FSTL5: variants seen among roughly 807,000 people sequenced by gnomAD.
FSTL5 encodes follistatin-related protein 5.
A neutral mutation model predicts 89.1 loss-of-function variants in FSTL5; 62 were observed. The observed-to-expected ratio is 0.70, with a 90% CI of 0.57 to 0.86. The LOEUF (loss-of-function observed/expected upper bound fraction) is 0.86. Among genes scored for constraint, FSTL5 ranks in the 40% least tolerant of loss-of-function variants. The probability of loss-of-function intolerance (pLI) is 0.00; values close to 1 mark genes in which losing one functional copy is unlikely to be tolerated. For missense variants in FSTL5, 1,057 were observed against 1,001.6 expected (o/e 1.06, Z -0.75); for synonymous variants, 383 against 346.2 (o/e 1.11, Z -1.18).
In FSTL5 at chr4:161,470,168, T is replaced by C. The variant is rs147444722; in HGVS notation, c.1609-10849A>G. ...TGCCTTTGTTGTCACATCTTAGATATCCTTGCCAAATCCAATAGCATAAAT... is the reference window on the plus strand; with the variant it reads ...TGCCTTTGTTGTCACATCTTAGATACCCTTGCCAAATCCAATAGCATAAAT... On this transcript the variant is annotated intron_variant, in intron 13 of 15. Coordinates refer to ENST00000306100, the MANE Select transcript of FSTL5 (RefSeq NM_020116.5). Among the ~76,000 whole-genome samples, 5 of 152,330 alleles carry C rather than the reference T, an allele frequency of 3.3e-5. No individual in the cohort carries two copies. The East Asian group carries it at 9.6e-4, about 29-fold the overall frequency.
At chr4:162,162,454 C>A (rs1733733420) in intron 1 of FSTL5, among the ~76,000 whole-genome samples, 1 of 151,974 alleles carries the variant, frequency 6.6e-6, no homozygotes, top group South Asian at 2.1e-4. Flanking sequence ...ATATCCCCCA[C>A]CCCCGTCCTT....
chr4:162,021,829 A>C (rs1737096158), intron 3 of FSTL5, among the ~76,000 whole-genome samples: 1 of 150,680 alleles, frequency 6.6e-6, no homozygotes, highest in Admixed American at 6.7e-5. Context: ...ACGATGGCTC[A>C]CACCTGTAAT....
intron 1 of FSTL5, among the ~76,000 whole-genome samples, chr4:162,147,888 C>T (rs1376306703): frequency 6.6e-6 from 1 of 151,980 alleles, no homozygotes; most frequent in Non-Finnish European, 1.5e-5. Context: ...ACCTGTAATC[C>T]CAGCTACTCG....
At chr4:161,954,117 A>G (rs1170404434) in intron 3 of FSTL5, among the ~76,000 whole-genome samples, 1 of 151,648 alleles carries the variant, frequency 6.6e-6, no homozygotes, top group Non-Finnish European at 1.5e-5. Context: ...TAAACCCTAG[A>G]ATAACATTTA....
intron 6 of FSTL5, among the ~76,000 whole-genome samples, chr4:161,726,227 C>CTTTTTTTTTTTT (rs5863477): frequency 5.3e-5 from 6 of 113,678 alleles, no homozygotes; most frequent in African/African-American, 1.0e-4. Context: ...TTTTCTTTTT[C>CTTTTTTTTTTTT]TTTTTTTTTT....
intron 10 of FSTL5, among the ~76,000 whole-genome samples, chr4:161,535,327 A>G (rs79326837): frequency 0.028 from 4,303 of 152,242 alleles, 184 homozygotes; most frequent in African/African-American, 0.092. Context: ...TATGTAAACT[A>G]TGCAAGCAAT....
chr4:162,081,267 G>T (rs1469868396), intron 2 of FSTL5, among the ~76,000 whole-genome samples: 1 of 151,494 alleles, frequency 6.6e-6, no homozygotes, highest in Admixed American at 6.6e-5. Context: ...CATTAGAATT[G>T]ATCAGAACTG....
chr4:161,529,255 A>G (rs1731330079), intron 10 of FSTL5, among the ~76,000 whole-genome samples: 1 of 142,330 alleles, frequency 7.0e-6, no homozygotes, highest in South Asian at 2.4e-4. Flanking sequence ...CTATTTAATG[A>G]TATTGAAGGG....
intron 11 of FSTL5, among the ~76,000 whole-genome samples, chr4:161,508,400 G>T (rs1730548113): frequency 6.6e-6 from 1 of 152,088 alleles, no homozygotes; most frequent in Non-Finnish European, 1.5e-5. Flanking sequence ...TTTACCCAAA[G>T]ACGCACACTT....
intron 15 of FSTL5, among the ~76,000 whole-genome samples, chr4:161,410,960 A>C (rs35381622): frequency 0.15 from 17,402 of 118,446 alleles, 1,114 homozygotes; most frequent in Admixed American, 0.18. Flanking sequence ...TCAAAAAAAA[A>C]AAAATAAGAT....
At chr4:161,836,888 T>C (rs2126868005) in intron 4 of FSTL5, among the ~76,000 whole-genome samples, 1 of 152,094 alleles carries the variant, frequency 6.6e-6, no homozygotes. Flanking sequence ...AATAATTGAG[T>C]GGATGTTGAC....
rs574867611 is a variant in FSTL5, at chr4:161,876,306, T to G, written c.409+44098A>C. ...CATCATTCAAATGAATGTTTGACTG[T>G]ATTTTCTACATTATAATCAAGAGGA... On this transcript the variant is annotated intron_variant, in intron 4 of 15. Transcript: ENST00000306100. Among the ~76,000 whole-genome samples, 4 of 152,338 alleles carry G rather than the reference T, an allele frequency of 2.6e-5. No individual in the cohort carries two copies. In the South Asian group the frequency reaches 6.2e-4, roughly 24 times the overall value.
At chr4:161,968,213 T>C (rs1179412913) in intron 3 of FSTL5, among the ~76,000 whole-genome samples, 1 of 152,086 alleles carries the variant, frequency 6.6e-6, no homozygotes. Context: ...AAATTTGTTC[T>C]GAATGATATA....
intron 6 of FSTL5, among the ~76,000 whole-genome samples, chr4:161,749,787 G>A (rs1036972422): frequency 3.4e-5 from 5 of 146,440 alleles, no homozygotes; most frequent in Admixed American, 6.7e-5. Context: ...GCGAGACTCC[G>A]TCAAAAAAAA....
chr4:161,454,791 C>T (rs1299801555), intron 15 of FSTL5, among the ~76,000 whole-genome samples: 1 of 152,190 alleles, frequency 6.6e-6, no homozygotes, highest in Non-Finnish European at 1.5e-5. Flanking sequence ...CACAAATTCA[C>T]ACCTCTGTTA....
intron 4 of FSTL5, among the ~76,000 whole-genome samples, chr4:161,868,807 T>C (rs903040999): frequency 3.3e-5 from 5 of 152,218 alleles, no homozygotes; most frequent in Admixed American, 2.6e-4. Context: ...GCCATTCTTA[T>C]TCCTCCAGTC....
chr4:161,587,322 T>G (rs1733650652), intron 8 of FSTL5, 133 bp downstream of exon 8: 1 of 701,814 alleles, frequency 1.4e-6, no homozygotes, highest in South Asian at 2.1e-5. Context: ...TAAAAAACTT[T>G]TACATTATCA....
chr4:162,129,172 A>G (rs1296992598), intron 1 of FSTL5, among the ~76,000 whole-genome samples: 1 of 152,172 alleles, frequency 6.6e-6, no homozygotes, highest in African/African-American at 2.4e-5. Flanking sequence ...ACCTCAGGTC[A>G]TGCACCCGCC....
intron 4 of FSTL5, among the ~76,000 whole-genome samples, chr4:161,797,243 T>A (rs558546495): frequency 4.1e-4 from 62 of 151,770 alleles, no homozygotes; most frequent in Middle Eastern, 6.8e-3. Flanking sequence ...GAGGGTTGAC[T>A]TTTTTTACTG....
Sources: gnomAD v4.1 joint callset for allele counts (sites outside exome capture counted in the v4.1 genomes callset) on GRCh38, gnomAD v4.1.1 for gene constraint, MANE v1.5 for transcripts, NCBI Gene and HGNC (gene_info 2026-07-23, HGNC 2026-07-21) for gene names.